Variants in ABCB1 observed in about 807,000 individuals in gnomAD.
ABCB1 encodes ATP-dependent translocase ABCB1.
ABCB1 carries 69 observed loss-of-function variants against 142.0 expected under a neutral mutation model. The ratio of observed to expected loss-of-function variants is 0.49; its 90% CI spans 0.40 to 0.59. ABCB1 has a LOEUF of 0.59. Among genes scored for constraint, ABCB1 ranks in the 20% least tolerant of loss-of-function variants. ABCB1 has a pLI of 0.00. For missense variants in ABCB1, 1,326 were observed against 1,554.7 expected (o/e 0.85, Z 2.47); for synonymous variants, 532 against 539.2 (o/e 0.99, Z 0.18).
chr7:87,554,025 C>T, intron 8 of ABCB1, 93 bp from the exon 9 acceptor site: 1 of 1,185,516 alleles, frequency 8.4e-7, no homozygotes. Flanking sequence ...TGTGTTCAGT[C>T]CTGTGATATA....
At chr7:87,561,949 G>A (rs1004604200) in intron 7 of ABCB1, among the ~76,000 whole-genome samples, 20 of 152,088 alleles carry the variant, frequency 1.3e-4, no homozygotes, top group Admixed American at 5.9e-4. Flanking sequence ...TTGTGCCACT[G>A]CAGTCCAGCC....
intron 8 of ABCB1, among the ~76,000 whole-genome samples, chr7:87,559,174 C>T (rs896970016): frequency 1.3e-5 from 2 of 151,994 alleles, no homozygotes; most frequent in Non-Finnish European, 2.9e-5. Context: ...TGTGGTAGAA[C>T]TTGCCTACAA....
intron 1 of ABCB1, among the ~76,000 whole-genome samples, chr7:87,611,191 C>T (rs140161042): frequency 3.9e-4 from 59 of 152,294 alleles, no homozygotes; most frequent in African/African-American, 1.4e-3. Flanking sequence ...CTGTCTTCTG[C>T]TTACCTCTAT....
intron 1 of ABCB1, among the ~76,000 whole-genome samples, chr7:87,668,270 A>G (rs1242239248): frequency 1.3e-5 from 2 of 151,910 alleles, no homozygotes; most frequent in African/African-American, 4.8e-5. Flanking sequence ...TAGTTTGTGT[A>G]TGTAGAGGTG....
intron 14 of ABCB1, 97 bp from the exon 15 acceptor site, chr7:87,546,121 T>C: frequency 8.2e-7 from 1 of 1,224,620 alleles, no homozygotes; most frequent in Admixed American, 1.7e-5. Context: ...CTGTGGGCAT[T>C]GTAAAACCAT....
chr7:87,561,358 G>C lies in ABCB1; in HGVS notation c.732C>G (p.Leu244=), dbSNP rs779274456. 1 of 1,613,634 alleles carries C rather than the reference G, an allele frequency of 6.2e-7. No individual in the cohort carries two copies. The highest frequency in any genetic ancestry group is 8.5e-7 in the Non-Finnish European group (1 of 1,179,690). ...KILSSFTDKE[L]LAYAKAGAVA... is the part of the protein sequence containing the mutation. Reference sequence around the variant, plus strand: ...CTGCTCCAGCTTTTGCATACGCTAAGAGTTCTTTATCAGTAAATGAAGATA... The same window carrying C: ...CTGCTCCAGCTTTTGCATACGCTAACAGTTCTTTATCAGTAAATGAAGATA... Residue 244 remains leucine (L), a synonymous_variant, in exon 8 of 28, where the codon CTC becomes CTG. Coordinates refer to ENST00000622132, the MANE Select transcript of ABCB1 (RefSeq NM_001348946.2).
At position 87,548,117 on chromosome 7, in the gene ABCB1, G is replaced by GAGGGGAGGGA. The variant is rs1266813724; in HGVS notation, c.1725+1221_1725+1230dup. Among the ~76,000 whole-genome samples, 7 of 67,390 alleles carry GAGGGGAGGGA rather than the reference G, an allele frequency of 1.0e-4. 1 individual carries two copies. The highest frequency in any genetic ancestry group is 2.8e-4 in the African/African-American group (5 of 18,102). 44.2% of individuals were successfully genotyped at this position (67,390 alleles called of 152,430 possible). Reference sequence around the variant, plus strand: ...AAAGAAAAGGGAGGGGAGGGGATGGGAGGGGAGGGAAGGGGAGGGAAGGGA... The same window carrying GAGGGGAGGGA: ...AAAGAAAAGGGAGGGGAGGGGATGGGAGGGGAGGGAAGGGGAGGGAAGGGGAGGGAAGGGA... On this transcript the variant is annotated intron_variant, in intron 14 of 27. Coordinates refer to ENST00000622132, the MANE Select transcript of ABCB1 (RefSeq NM_001348946.2).
chr7:87,525,437 C>T (rs907229997), intron 21 of ABCB1, among the ~76,000 whole-genome samples: 1 of 152,102 alleles, frequency 6.6e-6, no homozygotes, highest in Non-Finnish European at 1.5e-5. Context: ...TGAAAATTCA[C>T]ATATAACTTC....
At chr7:87,582,370 G>T (rs1818546280) in intron 4 of ABCB1, among the ~76,000 whole-genome samples, 1 of 151,992 alleles carries the variant, frequency 6.6e-6, no homozygotes, top group South Asian at 2.1e-4. Flanking sequence ...TTTTTCCAAT[G>T]CATTTTATTT....
rs57670669 is a variant in ABCB1, at chr7:87,619,764, GTATA to G, written c.-330-18690_-330-18687del. On this transcript the variant is annotated intron_variant, in intron 1 of 28. Coordinates refer to the ABCB1 transcript ENST00000265724. ...CAAACACATGTGTGTGTGTGTGTGTGTATATATATATATATATGAATAAACTGAC... is the reference window on the plus strand; with the variant it reads ...CAAACACATGTGTGTGTGTGTGTGTGTATATATATATATGAATAAACTGAC... 2.9e-3 allele frequency among the ~76,000 whole-genome samples: 421 copies of G among 147,318 alleles called. 5 individuals are homozygous for G. In the East Asian group the frequency reaches 0.047, roughly 16 times the overall value.
At chr7:87,684,367 G>A (rs1316215931) in intron 1 of ABCB1, among the ~76,000 whole-genome samples, 1 of 152,090 alleles carries the variant, frequency 6.6e-6, no homozygotes, top group African/African-American at 2.4e-5. Flanking sequence ...AACTGGAATA[G>A]GCAAAACAAT....
intron 7 of ABCB1, 111 bp from the exon 8 acceptor site, chr7:87,561,498 A>G: frequency 9.1e-7 from 1 of 1,104,832 alleles, no homozygotes; most frequent in East Asian, 2.7e-5. Flanking sequence ...GCATGTGTAG[A>G]GCAAAATCTG....
chr7:87,511,189 A>G (rs1814991623), intron 25 of ABCB1, among the ~76,000 whole-genome samples: 1 of 152,222 alleles, frequency 6.6e-6, no homozygotes, highest in Non-Finnish European at 1.5e-5. Context: ...TCTTTCTTTA[A>G]GTAAAACAAG....
rs750187241 is a variant in ABCB1 at position 87,520,884 on chromosome 7, A to T, written c.2686-8T>A. 2.5e-6 allele frequency: 4 copies of T among 1,610,216 alleles called. No individual in the cohort carries two copies. In the African/African-American group the frequency reaches 5.3e-5, roughly 21 times the overall value. ...TATTGCTTCAGTAGCGATCTGTAAC[A>T]GACAGCACCGATCACCAAGAGGCAC... is the stretch of plus-strand genomic sequence containing the variant. On this transcript the variant is annotated splice_region_variant and splice_polypyrimidine_tract_variant and intron_variant, in intron 21 of 27. Transcript: ENST00000622132.
At chr7:87,523,896 A>G (rs531881677) in intron 21 of ABCB1, among the ~76,000 whole-genome samples, 1 of 152,174 alleles carries the variant, frequency 6.6e-6, no homozygotes, top group Admixed American at 6.5e-5. Context: ...TTTAAGAGAA[A>G]TAACTTCCAG....
At position 87,509,285 on chromosome 7, in the gene ABCB1, G is replaced by A. The variant is rs2117066988; in HGVS notation, c.3479C>T (p.Ser1160Leu). 6.2e-7 allele frequency: 1 copy of A among 1,614,128 alleles called. No individual in the cohort carries two copies. Among genetic ancestry groups the A allele is most frequent in the Non-Finnish European group, 8.5e-7 (1 of 1,180,024 alleles). ...KEANIHAFIE[S>L]LPNKYSTKVG... is the part of the protein sequence containing the mutation. Reference sequence around the variant, plus strand: ...TGAAGAGAGACTTACATTAGGCAGTGACTCGATGAAGGCATGTATGTTGGC... The same window carrying A: ...TGAAGAGAGACTTACATTAGGCAGTAACTCGATGAAGGCATGTATGTTGGC... The change falls in exon 26 of 28, where the codon TCA becomes TTA. Residue 1160 changes from serine to leucine, a missense_variant. By Grantham distance (145) the Ser-to-Leu change is moderately radical. Coordinates refer to ENST00000622132, the MANE Select transcript of ABCB1 (RefSeq NM_001348946.2).
chr7:87,679,564 A>AT (rs908525521), intron 1 of ABCB1, among the ~76,000 whole-genome samples: 2 of 149,704 alleles, frequency 1.3e-5, no homozygotes, highest in African/African-American at 5.0e-5. Context: ...TAATTTTTTG[A>AT]TTTTTTATAG....
chr7:87,648,979 C>T (rs145190422), intron 1 of ABCB1, among the ~76,000 whole-genome samples: 15 of 151,642 alleles, frequency 9.9e-5, no homozygotes, highest in Non-Finnish European at 1.5e-4. Context: ...ATTTTCTGTC[C>T]GGATTGAATA....
At chr7:87,517,964 C>A (rs1815325423) in intron 23 of ABCB1, among the ~76,000 whole-genome samples, 1 of 152,176 alleles carries the variant, frequency 6.6e-6, no homozygotes. Context: ...ATAAGACAGG[C>A]CTACAAGTCT....
Sources: gnomAD v4.1 joint callset for allele counts (sites outside exome capture counted in the v4.1 genomes callset) on GRCh38, gnomAD v4.1.1 for gene constraint, MANE v1.5 for transcripts, NCBI Gene and HGNC (gene_info 2026-07-23, HGNC 2026-07-21) for gene names.